KCNJ15: variants seen among roughly 807,000 people sequenced by gnomAD.
KCNJ15 encodes ATP-sensitive inward rectifier potassium channel 15.
In KCNJ15, 14 loss-of-function variants were observed where a neutral mutation model predicts 23.0. The observed-to-expected ratio is 0.61, with a 90% CI of 0.40 to 0.95. The LOEUF is 0.95. Among genes scored for constraint, KCNJ15 ranks in the 40% least tolerant of loss-of-function variants. The pLI is 0.00. For synonymous variants in KCNJ15, 185 were observed against 183.2 expected (o/e 1.01, Z -0.08); for missense variants, 388 against 461.8 (o/e 0.84, Z 1.46).
chr21:38,235,724 C>G (rs1025942573), intron 1 of KCNJ15, among the ~76,000 whole-genome samples: 1 of 152,294 alleles, frequency 6.6e-6, no homozygotes, highest in Non-Finnish European at 1.5e-5. Context: ...CACATTTACT[C>G]TATCAATAAT....
At chr21:38,236,695 A>C (rs564251417) in intron 1 of KCNJ15, among the ~76,000 whole-genome samples, 13 of 152,216 alleles carry the variant, frequency 8.5e-5, no homozygotes, top group East Asian at 7.7e-4. Flanking sequence ...TTTCACCCAA[A>C]ATGAGGTTAG....
At chr21:38,271,171 G>C (rs1449526418) in intron 1 of KCNJ15, among the ~76,000 whole-genome samples, 1 of 152,224 alleles carries the variant, frequency 6.6e-6, no homozygotes, top group East Asian at 1.9e-4. Flanking sequence ...GCCCCGAATA[G>C]AGTCTAGTCC....
At chr21:38,294,558 G>A (rs1210126773) in intron 1 of KCNJ15, among the ~76,000 whole-genome samples, 1 of 152,118 alleles carries the variant, frequency 6.6e-6, no homozygotes, top group Admixed American at 6.5e-5. Flanking sequence ...TTCTCGAGAT[G>A]GGCAAATTGA....
intron 1 of KCNJ15, among the ~76,000 whole-genome samples, chr21:38,263,135 C>T (rs1332741344): frequency 6.6e-6 from 1 of 152,154 alleles, no homozygotes; most frequent in Non-Finnish European, 1.5e-5. Context: ...TTCTCCCAGA[C>T]AGGCCAAAGC....
intron 1 of KCNJ15, among the ~76,000 whole-genome samples, chr21:38,240,382 G>A (rs1375112135): frequency 3.9e-5 from 6 of 152,174 alleles, no homozygotes; most frequent in Admixed American, 3.9e-4. Flanking sequence ...AAAGTAGCTA[G>A]GAAGTTCTGA....
intron 1 of KCNJ15, among the ~76,000 whole-genome samples, chr21:38,239,505 T>C (rs1978847489): frequency 1.3e-5 from 2 of 152,184 alleles, no homozygotes; most frequent in South Asian, 4.1e-4. Flanking sequence ...ATTCTCTTGA[T>C]GAGCTTCAAA....
At chr21:38,283,757 A>G (rs1983598160) in intron 1 of KCNJ15, among the ~76,000 whole-genome samples, 1 of 152,188 alleles carries the variant, frequency 6.6e-6, no homozygotes, top group Non-Finnish European at 1.5e-5. Flanking sequence ...ACTCTATCGG[A>G]CACCATGCAG....
intron 1 of KCNJ15, among the ~76,000 whole-genome samples, chr21:38,248,351 A>G (rs1979596161): frequency 6.6e-6 from 1 of 152,252 alleles, no homozygotes; most frequent in Non-Finnish European, 1.5e-5. Flanking sequence ...AAGTGGCACA[A>G]ACTTTATAGC....
intron 1 of KCNJ15, among the ~76,000 whole-genome samples, chr21:38,251,671 C>T (rs1409778868): frequency 1.3e-5 from 2 of 152,160 alleles, no homozygotes; most frequent in Non-Finnish European, 2.9e-5. Flanking sequence ...TTTTTTATTG[C>T]ATTTAACAGC....
chr21:38,297,821 A>G (rs8130079), intron 2 of KCNJ15, among the ~76,000 whole-genome samples: 1 of 152,086 alleles, frequency 6.6e-6, no homozygotes, highest in Admixed American at 6.5e-5. Context: ...AAAGTCAATT[A>G]CAAGGGGGCA....
Position 38,299,953 on chromosome 21 carries a change from A to G in KCNJ15, c.692A>G (p.Asn231Ser), listed in dbSNP as rs1254145439. 2 of 1,613,788 alleles carry G rather than the reference A, an allele frequency of 1.2e-6. No homozygotes were observed. Among genetic ancestry groups the G allele is most frequent in the Non-Finnish European group, 1.7e-6 (2 of 1,179,974 alleles). Residue 231 changes from asparagine to serine, a missense_variant, in exon 3 of 3, where the codon AAC becomes AGC. By Grantham distance (46) the Asn-to-Ser change is conservative (BLOSUM62 1). Transcript: ENST00000398938. The surrounding 1 kb of genome is among the most constrained non-coding windows in gnomAD (Gnocchi z 4.5). ...VTKEGERILL[N>S]QATVKFHVDS... ...AAGGAGGGGGAGCGGATTCTCCTCA[A>G]CCAAGCCACTGTCAAATTCCACGTG... is the stretch of plus-strand genomic sequence containing the variant.
rs1165942893 is a variant in KCNJ15 at position 38,303,621 on chromosome 21, G to C, written c.*3232G>C. 1 of 151,926 alleles carries C rather than the reference G, an allele frequency of 6.6e-6. No homozygotes were observed. Among genetic ancestry groups the C allele is most frequent in the Non-Finnish European group, 1.5e-5 (1 of 67,978 alleles). The allele number at this position is 151,926 out of a possible 1,614,324, so 9.4% of individuals were successfully genotyped here. On this transcript the variant is annotated 3_prime_UTR_variant, in exon 3 of 3. Coordinates refer to ENST00000398938, the MANE Select transcript of KCNJ15 (RefSeq NM_170736.3). ...AACGCAGAGTGTCCAGAAATCTAAA[G>C]AGCTGGTTTAAGGTGAAAAAAATGC...
intron 1 of KCNJ15, chr21:38,237,343 G>T (rs1568979157): frequency 6.6e-6 from 1 of 152,236 alleles, no homozygotes; most frequent in Non-Finnish European, 1.5e-5. Flanking sequence ...TTGCACAGGG[G>T]TAGAGGCTTG....
rs1352227357 is a variant in KCNJ15 at position 38,306,358 on chromosome 21, G to GT, written c.*5970dup. 2 of 115,036 alleles carry GT rather than the reference G, an allele frequency of 1.7e-5. No individual in the cohort carries two copies. The highest frequency in any genetic ancestry group is 3.5e-5 in the Non-Finnish European group (2 of 57,490). 7.1% of individuals were successfully genotyped at this position (115,036 alleles called of 1,614,324 possible). On this transcript the variant is annotated 3_prime_UTR_variant, in exon 3 of 3. Coordinates refer to ENST00000398938, the MANE Select transcript of KCNJ15 (RefSeq NM_170736.3). ...GGGAATTACTATAGTTGATTATAGA[G>GT]TATCTATTTCCTTAAAAAAAAAAAA...
intron 1 of KCNJ15, among the ~76,000 whole-genome samples, chr21:38,261,183 C>G (rs554636807): frequency 6.6e-6 from 1 of 152,254 alleles, no homozygotes; most frequent in South Asian, 2.1e-4. Flanking sequence ...TGGTGTTGGG[C>G]GGATGGCTAT....
chr21:38,265,310 G>A (rs979492792), intron 1 of KCNJ15, among the ~76,000 whole-genome samples: 1 of 152,218 alleles, frequency 6.6e-6, no homozygotes, highest in African/African-American at 2.4e-5. Context: ...GCAGCTGGGA[G>A]CAGCCTATGC....
chr21:38,245,222 CTGTG>C (rs1329829461), intron 1 of KCNJ15, among the ~76,000 whole-genome samples: 1 of 152,050 alleles, frequency 6.6e-6, no homozygotes, highest in Admixed American at 6.6e-5. Context: ...AAAGTCCTCT[CTGTG>C]TGGCCATATG....
intron 1 of KCNJ15, among the ~76,000 whole-genome samples, chr21:38,243,942 C>T (rs1979188489): frequency 6.6e-6 from 1 of 152,192 alleles, no homozygotes; most frequent in Admixed American, 6.5e-5. Context: ...TTTGTTTCCA[C>T]TGTGTTTCTG....
intron 1 of KCNJ15, among the ~76,000 whole-genome samples, chr21:38,239,032 AC>A (rs1311856511): frequency 6.6e-6 from 1 of 152,196 alleles, no homozygotes; most frequent in East Asian, 1.9e-4. Context: ...ATGAAGGGTG[AC>A]TTGCAGAAGC....
Sources: allele counts gnomAD v4.1 joint callset (sites outside exome capture counted in the v4.1 genomes callset), GRCh38; gene constraint gnomAD v4.1.1; non-coding constraint Gnocchi (gnomAD v3.1); transcripts MANE v1.5; gene names NCBI Gene and HGNC (gene_info 2026-07-23, HGNC 2026-07-21).